The following LRFN5 variants were observed in gnomAD, a reference collection of about 807,000 sequenced individuals.
LRFN5 encodes leucine rich repeat and fibronectin type III domain containing 5.
Under a neutral mutation model 45.6 loss-of-function variants are expected in LRFN5, and 24 were observed. The observed-to-expected ratio is 0.53, with a 90% CI of 0.38 to 0.74. The LOEUF (loss-of-function observed/expected upper bound fraction) is 0.74, where lower values mean the gene tolerates loss of function less well. Ranked by LOEUF, LRFN5 falls within the 30% of genes least tolerant of loss-of-function variation. The pLI is 0.00. For synonymous variants in LRFN5, 340 were observed against 313.8 expected (o/e 1.08, Z -0.88); for missense variants, 776 against 861.5 (o/e 0.90, Z 1.24).
intron 1 of LRFN5, among the ~76,000 whole-genome samples, chr14:41,760,184 A>G (rs906060150): frequency 2.6e-5 from 4 of 152,200 alleles, no homozygotes; most frequent in Non-Finnish European, 4.4e-5. Flanking sequence ...TTCAGTTAAC[A>G]TGATACATTC....
Position 41,682,269 on chromosome 14 carries a change from A to T in LRFN5, c.-197+73707A>T, listed in dbSNP as rs58585949. 5.4e-3 allele frequency among the ~76,000 whole-genome samples: 803 copies of T among 148,960 alleles called. 5 individuals are homozygous for T. The highest frequency in any genetic ancestry group is 0.018 in the African/African-American group (744 of 41,266). On this transcript the variant is annotated intron_variant, in intron 1 of 5. Coordinates refer to ENST00000298119, the MANE Select transcript of LRFN5 (RefSeq NM_152447.5). ...TTAAAATAATAATAATAATAATAATAATTATGACAACAACGACTTGTCAAG... is the reference window on the plus strand; with the variant it reads ...TTAAAATAATAATAATAATAATAATTATTATGACAACAACGACTTGTCAAG...
At chr14:41,638,365 A>G (rs554860168) in intron 1 of LRFN5, among the ~76,000 whole-genome samples, 5 of 152,260 alleles carry the variant, frequency 3.3e-5, no homozygotes, top group South Asian at 4.1e-4. Flanking sequence ...TCTAGTGTCA[A>G]TAATTAATTC....
chr14:41,806,290 C>T (rs924988696), intron 2 of LRFN5, among the ~76,000 whole-genome samples: 3 of 152,122 alleles, frequency 2.0e-5, no homozygotes, highest in African/African-American at 7.2e-5. Context: ...CTTCATTGTG[C>T]TCAGCATTCA....
intron 1 of LRFN5, among the ~76,000 whole-genome samples, chr14:41,677,368 C>T (rs947694927): frequency 2.0e-5 from 3 of 146,968 alleles, no homozygotes; most frequent in South Asian, 2.1e-4. Flanking sequence ...GAATCTAACA[C>T]ACACACACAC....
At chr14:41,747,716 A>G (rs1398051079) in intron 1 of LRFN5, among the ~76,000 whole-genome samples, 3 of 152,060 alleles carry the variant, frequency 2.0e-5, no homozygotes, top group Non-Finnish European at 4.4e-5. Flanking sequence ...CTATCAATAG[A>G]GTAAGAAGGC....
At chr14:41,669,339 A>G (rs917998664) in intron 1 of LRFN5, among the ~76,000 whole-genome samples, 3 of 152,088 alleles carry the variant, frequency 2.0e-5, no homozygotes, top group African/African-American at 7.2e-5. Flanking sequence ...TTTGCAATTA[A>G]TAACACAGAA....
rs1890626493 is a variant in LRFN5, at chr14:41,887,722, C to T, written c.1097C>T (p.Ala366Val). ...TCIASNPAGE[A>V]TQIVDLHIIK... ...ATTGCTTCCAATCCTGCTGGGGAAG[C>T]AACACAAATAGTGGATCTTCATATA... The change falls in exon 3 of 6, where the codon GCA becomes GTA. Residue 366 changes from alanine to valine, a missense_variant. Physicochemically the swap from Ala to Val is moderately conservative, Grantham distance 64. Transcript: ENST00000298119. The surrounding 1 kb of genome is among the most constrained non-coding windows in gnomAD (Gnocchi z 4.8). 1.2e-6 allele frequency: 2 copies of T among 1,613,916 alleles called. No homozygotes were observed. Among genetic ancestry groups the T allele is most frequent in the African/African-American group, 1.3e-5 (1 of 74,928 alleles).
intron 1 of LRFN5, among the ~76,000 whole-genome samples, chr14:41,675,316 G>A (rs909333348): frequency 5.3e-5 from 8 of 152,228 alleles, no homozygotes; most frequent in African/African-American, 1.7e-4. Context: ...GGGCACCATT[G>A]AGCACTGAGT....
At chr14:41,835,792 T>C (rs545161598) in intron 2 of LRFN5, among the ~76,000 whole-genome samples, 33 of 152,282 alleles carry the variant, frequency 2.2e-4, no homozygotes, top group Middle Eastern at 3.4e-3. Context: ...AAACAGATTT[T>C]GGAAATGCAG....
chr14:41,637,738 T>C (rs1879374369), intron 1 of LRFN5, among the ~76,000 whole-genome samples: 1 of 152,182 alleles, frequency 6.6e-6, no homozygotes, highest in East Asian at 1.9e-4. Context: ...AGGATAAGTC[T>C]AAAAAGTATA....
chr14:41,625,647 C>G (rs762413515), intron 1 of LRFN5, among the ~76,000 whole-genome samples: 2 of 152,020 alleles, frequency 1.3e-5, no homozygotes, highest in South Asian at 2.1e-4. Flanking sequence ...TGCTGTGTGT[C>G]CATAGCAAAT....
At chr14:41,870,877 G>A (rs980210108) in intron 2 of LRFN5, among the ~76,000 whole-genome samples, 3 of 152,042 alleles carry the variant, frequency 2.0e-5, no homozygotes, top group African/African-American at 7.2e-5. Context: ...AACATACATT[G>A]TAGCACATGT....
intron 1 of LRFN5, among the ~76,000 whole-genome samples, chr14:41,707,102 G>C (rs1268827296): frequency 6.6e-6 from 1 of 152,200 alleles, no homozygotes; most frequent in African/African-American, 2.4e-5. Flanking sequence ...CTGGAAGGTA[G>C]GTACTGCCAC....
At chr14:41,883,234 C>T (rs966710263) in intron 2 of LRFN5, among the ~76,000 whole-genome samples, 10 of 151,776 alleles carry the variant, frequency 6.6e-5, no homozygotes, top group African/African-American at 2.4e-4. Context: ...TATAATGTTA[C>T]TATTTTTAAA....
chr14:41,776,826 T>C (rs1886309393), intron 2 of LRFN5, among the ~76,000 whole-genome samples: 1 of 152,142 alleles, frequency 6.6e-6, no homozygotes, highest in Non-Finnish European at 1.5e-5. Flanking sequence ...AGGCATTCTT[T>C]AGTATTTTAA....
chr14:41,625,466 T>C (rs375527882), intron 1 of LRFN5, among the ~76,000 whole-genome samples: 1 of 152,132 alleles, frequency 6.6e-6, no homozygotes, highest in African/African-American at 2.4e-5. Context: ...CATGCAAAAC[T>C]GTGAGTCAGT....
intron 2 of LRFN5, among the ~76,000 whole-genome samples, chr14:41,842,519 G>A (rs1341201248): frequency 6.7e-6 from 1 of 149,750 alleles, no homozygotes; most frequent in Non-Finnish European, 1.5e-5. Context: ...GTACATTAAG[G>A]GTTACACTTC....
intron 1 of LRFN5, among the ~76,000 whole-genome samples, chr14:41,693,473 G>A (rs943154677): frequency 2.0e-5 from 3 of 151,844 alleles, no homozygotes; most frequent in Non-Finnish European, 4.4e-5. Flanking sequence ...AATTAGGTGT[G>A]TTTTATTTTT....
intron 1 of LRFN5, chr14:41,700,578 G>A (rs1882801159): frequency 6.6e-6 from 1 of 151,316 alleles, no homozygotes; most frequent in Admixed American, 6.6e-5. Context: ...GTGTAAGACA[G>A]AAAAGAAAAG....
Sources: gnomAD v4.1 joint callset for allele counts (sites outside exome capture counted in the v4.1 genomes callset) on GRCh38, gnomAD v4.1.1 for gene constraint, Gnocchi (gnomAD v3.1) non-coding constraint, MANE v1.5 for transcripts, NCBI Gene and HGNC (gene_info 2026-07-23, HGNC 2026-07-21) for gene names.